CSMD1: variants seen among roughly 807,000 people sequenced by gnomAD.
CSMD1 encodes CUB and sushi domain-containing protein 1.
Under a neutral mutation model 417.5 loss-of-function variants are expected in CSMD1, and 213 were observed. The ratio of observed to expected loss-of-function variants is 0.51; its 90% CI spans 0.46 to 0.57. The LOEUF (loss-of-function observed/expected upper bound fraction) is 0.57. Among genes scored for constraint, CSMD1 ranks in the 20% least tolerant of loss-of-function variants. The pLI is 0.00. For missense variants in CSMD1, 6,923 were observed against 4,529.7 expected, an observed-to-expected ratio of 1.53 and a Z score of -15.17; for synonymous variants, 2,862 against 1,736.8, an observed-to-expected ratio of 1.65 and a Z score of -16.11.
At chr8:4,440,381 G>T (rs922212947) in intron 2 of CSMD1, among the ~76,000 whole-genome samples, 1 of 152,046 alleles carries the variant, frequency 6.6e-6, no homozygotes, top group African/African-American at 2.4e-5. Flanking sequence ...AATGAATAAG[G>T]AGTCAGAGGA....
At chr8:4,435,175 T>C (rs1329311488) in intron 2 of CSMD1, among the ~76,000 whole-genome samples, 1 of 152,130 alleles carries the variant, frequency 6.6e-6, no homozygotes, top group African/African-American at 2.4e-5. Flanking sequence ...ACAATTTCAA[T>C]AGGGAATATA....
At chr8:4,020,588 T>A (rs893070374) in intron 4 of CSMD1, among the ~76,000 whole-genome samples, 8 of 152,170 alleles carry the variant, frequency 5.3e-5, no homozygotes, top group Non-Finnish European at 1.2e-4. Flanking sequence ...AGGCCTCCAA[T>A]TCTCTTATGG....
chr8:4,286,239 C>A (rs1442798225), intron 3 of CSMD1, among the ~76,000 whole-genome samples: 3 of 152,140 alleles, frequency 2.0e-5, no homozygotes, highest in Non-Finnish European at 4.4e-5. Context: ...AGCTCCATTG[C>A]GTCTCTCCGC....
At chr8:3,875,711 T>C (rs1053571073) in intron 5 of CSMD1, among the ~76,000 whole-genome samples, 5 of 152,068 alleles carry the variant, frequency 3.3e-5, no homozygotes, top group Non-Finnish European at 7.4e-5. Flanking sequence ...GGCAGAATCT[T>C]CTCGAGTGGA....
chr8:4,858,100 C>T (rs2116861658), intron 1 of CSMD1, among the ~76,000 whole-genome samples: 1 of 152,012 alleles, frequency 6.6e-6, no homozygotes. Context: ...GGATGCAAGG[C>T]TGGTTCAATA....
At chr8:4,445,067 A>T (rs1046110054) in intron 2 of CSMD1, among the ~76,000 whole-genome samples, 2 of 152,220 alleles carry the variant, frequency 1.3e-5, no homozygotes, top group African/African-American at 4.8e-5. Context: ...CACTCATACA[A>T]AACTACATGT....
intron 3 of CSMD1, among the ~76,000 whole-genome samples, chr8:4,177,743 G>A (rs1388026264): frequency 2.7e-5 from 4 of 150,388 alleles, no homozygotes; most frequent in African/African-American, 9.8e-5. Flanking sequence ...AATGATAAAG[G>A]GGATATCACC....
intron 5 of CSMD1, among the ~76,000 whole-genome samples, chr8:3,945,177 A>T (rs2688277): frequency 1.9e-5 from 1 of 53,966 alleles, no homozygotes; most frequent in African/African-American, 6.0e-5. Flanking sequence ...CATGAGAAAG[A>T]CAAAAAAAAA....
At chr8:3,842,359 C>T (rs1341679682) in intron 5 of CSMD1, among the ~76,000 whole-genome samples, 1 of 152,090 alleles carries the variant, frequency 6.6e-6, no homozygotes, top group Non-Finnish European at 1.5e-5. Flanking sequence ...CATATCAATA[C>T]CACTAATAAT....
chr8:3,036,264 T>G (rs921386300), intron 50 of CSMD1, among the ~76,000 whole-genome samples: 1 of 152,190 alleles, frequency 6.6e-6, no homozygotes, highest in African/African-American at 2.4e-5. Flanking sequence ...ACAAGGGAAG[T>G]GAGATTACCA....
At position 4,032,089 on chromosome 8, in the gene CSMD1, G is replaced by A. The variant is rs773355949; in HGVS notation, c.426C>T (p.Ser142=). 6.8e-6 allele frequency: 11 copies of A among 1,610,046 alleles called. No homozygotes were observed. Among genetic ancestry groups the A allele is most frequent in the African/African-American group, 6.7e-5 (5 of 74,822 alleles). The change falls in exon 4 of 70, where the codon AGC becomes AGT. Residue 142 remains serine, a synonymous_variant. Coordinates refer to ENST00000635120, the MANE Select transcript of CSMD1 (RefSeq NM_033225.6). ...GFKALYEVLP[S]HTCGNPGEIL... is the part of the protein sequence containing the mutation. ...TTTCTCCAGGATTTCCACAAGTGTG[G>A]CTAGGTAAAACTATTGGAAAAAGAA...
chr8:3,757,908 A>C (rs989182108), intron 5 of CSMD1, among the ~76,000 whole-genome samples: 9 of 152,136 alleles, frequency 5.9e-5, no homozygotes, highest in African/African-American at 1.9e-4. Context: ...TGGAAGATAA[A>C]CAGATGATGC....
chr8:4,419,771 G>T (rs532683576), intron 3 of CSMD1, among the ~76,000 whole-genome samples, 182 bp downstream of exon 3: 2 of 152,174 alleles, frequency 1.3e-5, no homozygotes, highest in Non-Finnish European at 2.9e-5. Flanking sequence ...CACGTTTTGG[G>T]CTGGAAAGTT....
intron 3 of CSMD1, among the ~76,000 whole-genome samples, chr8:4,196,323 C>G (rs1177440665): frequency 6.6e-6 from 1 of 152,192 alleles, no homozygotes; most frequent in Non-Finnish European, 1.5e-5. Context: ...CCGTACATTA[C>G]TACAAATAGA....
intron 3 of CSMD1, among the ~76,000 whole-genome samples, chr8:4,212,090 G>C (rs1195679218): frequency 6.6e-6 from 1 of 151,788 alleles, no homozygotes; most frequent in African/African-American, 2.4e-5. Flanking sequence ...CTTGTCAACG[G>C]AACGTAAAAG....
chr8:3,908,814 G>T (rs1808274588), intron 5 of CSMD1, among the ~76,000 whole-genome samples: 1 of 152,178 alleles, frequency 6.6e-6, no homozygotes, highest in South Asian at 2.1e-4. Flanking sequence ...ATTTGAAACA[G>T]GATCTCTATG....
Position 4,448,333 on chromosome 8 carries a change from A to G in CSMD1, c.303-28268T>C, listed in dbSNP as rs537621670. ...GCCGATCTAGGAGGATTTTTAATTT[A>G]AAAAGCCTTCTGCACTAACTCAATT... On this transcript the variant is annotated intron_variant, in intron 2 of 69. Coordinates refer to ENST00000635120, the MANE Select transcript of CSMD1 (RefSeq NM_033225.6). Among the ~76,000 whole-genome samples the G allele has an allele frequency of 6.6e-5, 10 of 152,340 alleles. No homozygotes were observed. The South Asian group carries it at 2.1e-3, about 32-fold the overall frequency.
intron 1 of CSMD1, chr8:4,787,438 A>G (rs1426444473): frequency 1.3e-6 from 1 of 759,724 alleles, no homozygotes; most frequent in Admixed American, 2.0e-5. Context: ...TTACAGCAGG[A>G]AATGTAGCTA....
Position 3,821,627 on chromosome 8 carries a change from C to T in CSMD1, c.819-67585G>A, listed in dbSNP as rs1041399220. Among the ~76,000 whole-genome samples the T allele has an allele frequency of 1.8e-4, 27 of 152,164 alleles. 1 individual carries two copies. In the South Asian group the frequency reaches 3.9e-3, roughly 22 times the overall value. ...TGAAACCCTGTCTCTACTAATAATA[C>T]AAAAATTAGCCGGGCATGGTGGCAC... is the stretch of plus-strand genomic sequence containing the variant. On this transcript the variant is annotated intron_variant, in intron 5 of 69. Transcript: ENST00000635120.
Sources: allele counts gnomAD v4.1 joint callset (sites outside exome capture counted in the v4.1 genomes callset), GRCh38; gene constraint gnomAD v4.1.1; transcripts MANE v1.5; gene names NCBI Gene and HGNC (gene_info 2026-07-23, HGNC 2026-07-21).